Variants in SLC22A3 observed in about 807,000 individuals in gnomAD.
The protein encoded by SLC22A3 is solute carrier family 22 member 3.
A neutral mutation model predicts 59.1 loss-of-function variants in SLC22A3; 51 were observed. The observed-to-expected ratio is 0.86, with a 90% CI of 0.69 to 1.09. SLC22A3 has a LOEUF of 1.09. Among genes scored for constraint, SLC22A3 ranks in the 50% least tolerant of loss-of-function variants. The pLI is 0.00. For synonymous variants in SLC22A3, 325 were observed against 292.0 expected, an observed-to-expected ratio of 1.11 and a Z score of -1.15; for missense variants, 711 against 726.3, an observed-to-expected ratio of 0.98 and a Z score of 0.24.
chr6:160,403,970 C>T (rs141148201), intron 2 of SLC22A3, among the ~76,000 whole-genome samples: 192 of 152,028 alleles, frequency 1.3e-3, no homozygotes, highest in African/African-American at 3.8e-3. Flanking sequence ...TACTTAATGA[C>T]GATAAACTGT....
intron 1 of SLC22A3, among the ~76,000 whole-genome samples, chr6:160,363,639 T>C (rs78578240): frequency 2.0e-5 from 3 of 152,142 alleles, no homozygotes; most frequent in Non-Finnish European, 4.4e-5. Context: ...GCATAGACCC[T>C]GTTCCTAATC....
chr6:160,362,137 A>G (rs1400918072), intron 1 of SLC22A3, among the ~76,000 whole-genome samples: 1 of 152,232 alleles, frequency 6.6e-6, no homozygotes, highest in Non-Finnish European at 1.5e-5. Context: ...CAATGCACAG[A>G]TTTCAGGGGT....
chr6:160,358,639 C>G (rs940892403), intron 1 of SLC22A3, among the ~76,000 whole-genome samples: 3 of 152,154 alleles, frequency 2.0e-5, no homozygotes, highest in Non-Finnish European at 2.9e-5. Context: ...GTGAACAATC[C>G]CCCCATCCGG....
intron 1 of SLC22A3, among the ~76,000 whole-genome samples, chr6:160,358,924 G>A (rs1214371866): frequency 1.3e-5 from 2 of 152,200 alleles, no homozygotes; most frequent in Non-Finnish European, 2.9e-5. Context: ...AGCTCAGTGA[G>A]GGCTGAAGAC....
intron 9 of SLC22A3, among the ~76,000 whole-genome samples, chr6:160,446,235 G>C (rs1788738466): frequency 6.6e-6 from 1 of 152,178 alleles, no homozygotes; most frequent in African/African-American, 2.4e-5. Context: ...GAGCCAGGGA[G>C]AATATAGGCT....
At chr6:160,437,696 T>A (rs565776133) in intron 7 of SLC22A3, among the ~76,000 whole-genome samples, 4 of 152,312 alleles carry the variant, frequency 2.6e-5, no homozygotes, top group African/African-American at 9.6e-5. Flanking sequence ...AGAAACTAAT[T>A]AAACTATTTA....
intron 7 of SLC22A3, among the ~76,000 whole-genome samples, chr6:160,441,476 A>G (rs1321176343): frequency 6.6e-6 from 1 of 152,164 alleles, no homozygotes; most frequent in East Asian, 1.9e-4. Context: ...CATCAAGTGC[A>G]CCAGGATGTC....
intron 3 of SLC22A3, among the ~76,000 whole-genome samples, chr6:160,407,589 TA>T (rs1787068619): frequency 6.6e-6 from 1 of 152,184 alleles, no homozygotes; most frequent in South Asian, 2.1e-4. Context: ...AGTTTGAGAT[TA>T]CTTTCCTGTG....
chr6:160,393,544 G>A (rs1156449400), intron 1 of SLC22A3, among the ~76,000 whole-genome samples: 1 of 150,608 alleles, frequency 6.6e-6, no homozygotes, highest in African/African-American at 2.4e-5. Context: ...GCGGTGTTTG[G>A]TATTTTGTCC....
chr6:160,406,607 G>A (rs952238071), intron 2 of SLC22A3, among the ~76,000 whole-genome samples: 5 of 152,200 alleles, frequency 3.3e-5, no homozygotes, highest in South Asian at 2.1e-4. Context: ...CAAAACCTTC[G>A]TTTTGAAGAC....
At chr6:160,381,992 T>A (rs1447224676) in intron 1 of SLC22A3, among the ~76,000 whole-genome samples, 1 of 152,222 alleles carries the variant, frequency 6.6e-6, no homozygotes, top group Non-Finnish European at 1.5e-5. Context: ...TATTTTAGAA[T>A]TATTTTGTAG....
chr6:160,424,180 C>CT (rs1485579642), intron 5 of SLC22A3, among the ~76,000 whole-genome samples: 1 of 152,062 alleles, frequency 6.6e-6, no homozygotes, highest in Non-Finnish European at 1.5e-5. Flanking sequence ...GCCACAGATC[C>CT]TAGGGATTAT....
intron 2 of SLC22A3, among the ~76,000 whole-genome samples, chr6:160,398,946 C>A (rs73782572): frequency 1.3e-5 from 2 of 152,206 alleles, no homozygotes; most frequent in Admixed American, 1.3e-4. Context: ...GTTCTTGTGA[C>A]TGTACCATTC....
intron 1 of SLC22A3, among the ~76,000 whole-genome samples, chr6:160,369,789 C>T (rs904773263): frequency 6.6e-6 from 1 of 152,146 alleles, no homozygotes; most frequent in Non-Finnish European, 1.5e-5. Context: ...TATCTCAAAA[C>T]GTAGTGATTT....
At chr6:160,371,624 A>T (rs1284184833) in intron 1 of SLC22A3, among the ~76,000 whole-genome samples, 1 of 152,190 alleles carries the variant, frequency 6.6e-6, no homozygotes, top group Admixed American at 6.5e-5. Flanking sequence ...TGCCATTGTG[A>T]ATAGTGCCAC....
intron 1 of SLC22A3, among the ~76,000 whole-genome samples, chr6:160,365,989 T>C (rs969673449): frequency 2.6e-5 from 4 of 152,148 alleles, no homozygotes; most frequent in African/African-American, 4.8e-5. Context: ...TAACCACCCC[T>C]GTGACACAAT....
chr6:160,421,539 C>T (rs75374409), intron 5 of SLC22A3, among the ~76,000 whole-genome samples: 3,446 of 152,344 alleles, frequency 0.023, 59 homozygotes, highest in Middle Eastern at 0.044. Context: ...TACTCCAGCA[C>T]TCCTTGGTAG....
chr6:160,374,893 C>T (rs983252957), intron 1 of SLC22A3, among the ~76,000 whole-genome samples: 1 of 152,202 alleles, frequency 6.6e-6, no homozygotes, highest in South Asian at 2.1e-4. Flanking sequence ...CTTGTCTCTA[C>T]CTTCAACTTG....
chr6:160,382,561 C>T (rs114561156), intron 1 of SLC22A3, among the ~76,000 whole-genome samples: 1,747 of 152,270 alleles, frequency 0.011, 28 homozygotes, highest in African/African-American at 0.031. Context: ...CACAATAGAA[C>T]TCAGAAAGGC....
Sources: allele counts gnomAD v4.1 joint callset (sites outside exome capture counted in the v4.1 genomes callset), GRCh38; gene constraint gnomAD v4.1.1; transcripts MANE v1.5; gene names NCBI Gene and HGNC (gene_info 2026-07-23, HGNC 2026-07-21).